CALN1: variants seen among roughly 807,000 people sequenced by gnomAD.
CALN1 encodes calneuron 1.
In CALN1, 17 loss-of-function variants were observed where a neutral mutation model predicts 30.6. The ratio of observed to expected loss-of-function variants is 0.56; its 90% CI spans 0.38 to 0.83. The LOEUF is 0.83. Ranked by LOEUF, CALN1 falls within the 40% of genes least tolerant of loss-of-function variation. The probability of loss-of-function intolerance (pLI) is 0.00; values close to 1 mark genes in which losing one functional copy is unlikely to be tolerated. For synonymous variants in CALN1, 156 were observed against 131.4 expected (o/e 1.19, Z -1.28); for missense variants, 291 against 354.9 (o/e 0.82, Z 1.45).
chr7:72,058,845 G>A lies in CALN1; in HGVS notation c.389-35076C>T, dbSNP rs79476084. Reference sequence around the variant, plus strand: ...AAAAGGACAGTGACGTGCAAAAGAAGCCATGGTATTCTGCATTAAAAAAAC... The same window carrying A: ...AAAAGGACAGTGACGTGCAAAAGAAACCATGGTATTCTGCATTAAAAAAAC... On this transcript the variant is annotated intron_variant, in intron 4 of 6. Transcript: ENST00000395275. 2.7e-4 allele frequency among the ~76,000 whole-genome samples: 41 copies of A among 152,242 alleles called. No individual in the cohort carries two copies. The East Asian group carries it at 3.9e-3, about 14-fold the overall frequency.
At chr7:71,958,273 G>A (rs1187580735) in intron 5 of CALN1, among the ~76,000 whole-genome samples, 2 of 151,942 alleles carry the variant, frequency 1.3e-5, no homozygotes, top group Non-Finnish European at 2.9e-5. Flanking sequence ...GGAGTCCCCA[G>A]TATCTACTGT....
intron 2 of CALN1, among the ~76,000 whole-genome samples, chr7:72,385,271 CAT>C (rs1805145357): frequency 2.0e-5 from 3 of 152,152 alleles, no homozygotes; most frequent in Admixed American, 2.0e-4. Context: ...AATCTTATCA[CAT>C]GATTCAGCAA....
intron 5 of CALN1, among the ~76,000 whole-genome samples, chr7:71,969,559 A>G (rs1239387951): frequency 6.6e-6 from 1 of 152,208 alleles, no homozygotes; most frequent in Non-Finnish European, 1.5e-5. Context: ...GCTTACTATC[A>G]TGCAGAATCT....
At chr7:72,324,830 C>T (rs147854373) in intron 2 of CALN1, among the ~76,000 whole-genome samples, 8,131 of 152,066 alleles carry the variant, frequency 0.053, 294 homozygotes, top group Non-Finnish European at 0.08. Context: ...GTGATCCACC[C>T]GCTTCAGCCT....
At chr7:72,412,940 C>G (rs979727398), upstream of CALN1, among the ~76,000 whole-genome samples, 10 of 152,200 alleles carry the variant, frequency 6.6e-5, no homozygotes, top group African/African-American at 2.4e-4. Flanking sequence ...CCTCTTTCTC[C>G]TGGGGCAGCT....
chr7:71,915,094 A>G (rs1794619845), intron 5 of CALN1, among the ~76,000 whole-genome samples: 1 of 152,188 alleles, frequency 6.6e-6, no homozygotes, highest in African/African-American at 2.4e-5. Context: ...TAGTCTCTCC[A>G]CTGCCCTGGG....
intron 3 of CALN1, among the ~76,000 whole-genome samples, chr7:72,176,391 T>C (rs969000583): frequency 3.9e-5 from 6 of 152,190 alleles, no homozygotes; most frequent in Non-Finnish European, 7.4e-5. Context: ...AAATCTCTTG[T>C]TGAAATATGA....
At chr7:72,294,685 GCTGCAGTGAGCATAATGTTGCCA>G (rs1224397638) in intron 2 of CALN1, among the ~76,000 whole-genome samples, 1 of 151,618 alleles carries the variant, frequency 6.6e-6, no homozygotes, top group Non-Finnish European at 1.5e-5. Flanking sequence ...AGAAGTCAAG[GCTGCAGTGAGCATAATGTTGCCA>G]CTGCACTCCA....
chr7:72,035,177 C>T (rs963426140), intron 4 of CALN1, among the ~76,000 whole-genome samples: 2 of 152,090 alleles, frequency 1.3e-5, no homozygotes, highest in Non-Finnish European at 2.9e-5. Context: ...GTATTAAATG[C>T]ATTCATAATG....
intron 5 of CALN1, among the ~76,000 whole-genome samples, chr7:71,968,057 T>C (rs922769422): frequency 6.6e-6 from 1 of 152,170 alleles, no homozygotes; most frequent in Non-Finnish European, 1.5e-5. Flanking sequence ...GAAATGAAAA[T>C]ATATGCCCAC....
intron 3 of CALN1, among the ~76,000 whole-genome samples, chr7:72,197,695 A>G (rs1791133071): frequency 6.6e-6 from 1 of 152,084 alleles, no homozygotes; most frequent in Non-Finnish European, 1.5e-5. Flanking sequence ...ATAAACAAAT[A>G]AAGATGGAAA....
At chr7:72,424,298 T>C (rs1261181061) in intron 1 of CALN1, among the ~76,000 whole-genome samples, 2 of 152,142 alleles carry the variant, frequency 1.3e-5, no homozygotes, top group African/African-American at 4.8e-5. Flanking sequence ...TTATGAGGAC[T>C]TCCAGTTACT....
chr7:72,352,533 GT>G (rs1293517591), intron 2 of CALN1, among the ~76,000 whole-genome samples: 3 of 151,860 alleles, frequency 2.0e-5, no homozygotes, highest in African/African-American at 7.3e-5. Context: ...GTAAAAAACA[GT>G]TTTGCATAAT....
At chr7:72,071,644 G>C (rs1804402372) in intron 4 of CALN1, among the ~76,000 whole-genome samples, 1 of 152,186 alleles carries the variant, frequency 6.6e-6, no homozygotes. Context: ...ACAAATGCTG[G>C]AGAATGGGGA....
chr7:72,196,373 C>T (rs1791002757), intron 3 of CALN1, among the ~76,000 whole-genome samples: 1 of 152,216 alleles, frequency 6.6e-6, no homozygotes, highest in South Asian at 2.1e-4. Context: ...CCCTCTCTGG[C>T]CTCCCAAAGT....
chr7:72,387,170 A>T (rs929834928), intron 2 of CALN1, among the ~76,000 whole-genome samples: 6 of 145,788 alleles, frequency 4.1e-5, no homozygotes, highest in Non-Finnish European at 9.0e-5. Context: ...TACTTATGAA[A>T]ATACATGATC....
intron 4 of CALN1, among the ~76,000 whole-genome samples, chr7:72,069,615 G>A (rs10232045): frequency 0.045 from 6,913 of 152,124 alleles, 538 homozygotes; most frequent in African/African-American, 0.16. Flanking sequence ...CTTGCAGAGG[G>A]ATACAGGATG....
At chr7:72,501,681 T>C in the CALN1 span, among the ~76,000 whole-genome samples, 33,192 of 150,040 alleles carry the variant, frequency 0.22, 4,088 homozygotes, top group African/African-American at 0.32. Context: ...GAGGCTGAGG[T>C]GGGCGGATCA....
chr7:72,439,825 C>G (rs1808296135), intron 1 of CALN1, among the ~76,000 whole-genome samples: 1 of 152,100 alleles, frequency 6.6e-6, no homozygotes, highest in South Asian at 2.1e-4. Flanking sequence ...GATCCACCCG[C>G]CTCGGCCTCC....
Sources: allele counts gnomAD v4.1 joint callset (sites outside exome capture counted in the v4.1 genomes callset), GRCh38; gene constraint gnomAD v4.1.1; transcripts MANE v1.5; gene names NCBI Gene and HGNC (gene_info 2026-07-23, HGNC 2026-07-21).